The following OTOGL variants were observed in gnomAD, a reference collection of about 807,000 sequenced individuals.
OTOGL encodes otogelin-like protein.
A neutral mutation model predicts 318.5 loss-of-function variants in OTOGL; 285 were observed. The observed-to-expected ratio is 0.89, with a 90% CI of 0.81 to 0.99. The LOEUF is 0.99. Among genes scored for constraint, OTOGL ranks in the 50% least tolerant of loss-of-function variants. The probability of loss-of-function intolerance (pLI) is 0.00; values close to 1 mark genes in which losing one functional copy is unlikely to be tolerated. For synonymous variants in OTOGL, 987 were observed against 936.5 expected (o/e 1.05, Z -0.99); for missense variants, 2,899 against 2,845.6 (o/e 1.02, Z -0.43).
intron 9 of OTOGL, among the ~76,000 whole-genome samples, chr12:80,233,965 A>ATAGT (rs3045928): frequency 1 from 151,865 of 152,312 alleles, 75,711 homozygotes; most frequent in Non-Finnish European, 1. Flanking sequence ...ATTTATAACA[A>ATAGT]TAGTTTGAGC....
chr12:80,341,206 A>T (rs2137938879), intron 43 of OTOGL, among the ~76,000 whole-genome samples: 1 of 152,180 alleles, frequency 6.6e-6, no homozygotes. Flanking sequence ...GTGAAGAGTA[A>T]GCTCATCCTC....
At chr12:80,159,847 C>G (rs570687943) in intron 1 of OTOGL, among the ~76,000 whole-genome samples, 193 of 152,170 alleles carry the variant, frequency 1.3e-3, no homozygotes, top group Non-Finnish European at 2.2e-3. Flanking sequence ...TGACTTCAAA[C>G]TATACTATAA....
intron 1 of OTOGL, among the ~76,000 whole-genome samples, chr12:80,182,955 C>A (rs142001671): frequency 1.3e-5 from 2 of 152,288 alleles, no homozygotes; most frequent in East Asian, 1.9e-4. Flanking sequence ...CCATGTGGAA[C>A]TTTTGTACAA....
At chr12:80,217,453 G>A in intron 4 of OTOGL, 145 bp from the exon 5 acceptor site, 1 of 636,810 alleles carries the variant, frequency 1.6e-6, no homozygotes, top group Non-Finnish European at 2.7e-6. Flanking sequence ...TCATGGAGAT[G>A]ATAAGCCTCA....
At chr12:80,146,686 C>T (rs988509277) in intron 1 of OTOGL, among the ~76,000 whole-genome samples, 2 of 151,912 alleles carry the variant, frequency 1.3e-5, no homozygotes, top group Non-Finnish European at 1.5e-5. Context: ...TCCATCTGGT[C>T]CTGGACTCTT....
At chr12:80,126,077 G>T (rs1188578595) in intron 1 of OTOGL, among the ~76,000 whole-genome samples, 1 of 152,048 alleles carries the variant, frequency 6.6e-6, no homozygotes, top group Non-Finnish European at 1.5e-5. Context: ...CTTGCCTTCT[G>T]CTAGCTTTTG....
chr12:80,343,532 T>C (rs1199442335), intron 44 of OTOGL: 9 of 132,046 alleles, frequency 6.8e-5, no homozygotes, highest in African/African-American at 2.6e-4. Flanking sequence ...TTTTTTTTTT[T>C]TTTTAACTTT....
intron 1 of OTOGL, among the ~76,000 whole-genome samples, chr12:80,117,927 A>G (rs1870262112): frequency 6.6e-6 from 1 of 152,072 alleles, no homozygotes; most frequent in African/African-American, 2.4e-5. Context: ...ATGCTTCCTT[A>G]TCAAAAACAC....
chr12:80,149,307 CCTGCG>C (rs1159776502), intron 1 of OTOGL, among the ~76,000 whole-genome samples: 2 of 151,454 alleles, frequency 1.3e-5, no homozygotes, highest in East Asian at 1.9e-4. Flanking sequence ...GTTGGAGTAC[CCTGCG>C]GTGTGAGGTG....
Position 80,293,629 on chromosome 12 carries a change from C to T in OTOGL, c.2929-3198C>T, listed in dbSNP as rs79232335. ...TTCTCTACTTTTTCGTCAGTTCAGT[C>T]ATCATTTCTACTTCCTCATATGTTC... On this transcript the variant is annotated intron_variant, in intron 26 of 58. Transcript: ENST00000547103. Among the ~76,000 whole-genome samples the T allele has an allele frequency of 2.8e-3, 427 of 151,936 alleles. 3 individuals carry two copies. Among genetic ancestry groups the T allele is most frequent in the African/African-American group, 1.0e-2 (414 of 41,458 alleles).
rs147503800 is a variant in OTOGL at position 80,109,841 on chromosome 12, T to C, written c.-20+10236T>C. Among the ~76,000 whole-genome samples, 475 of 152,230 alleles carry C rather than the reference T, an allele frequency of 3.1e-3. 5 individuals are homozygous for C. The highest frequency in any genetic ancestry group is 4.0e-3 in the Non-Finnish European group (269 of 68,012). On this transcript the variant is annotated intron_variant, in intron 1 of 58. Transcript: ENST00000547103. Reference sequence around the variant, plus strand: ...ATGTATTTAGAATAAGAAAAGAAATTACAACAAAATATAAAATTTTTTTAA... The same window carrying C: ...ATGTATTTAGAATAAGAAAAGAAATCACAACAAAATATAAAATTTTTTTAA...
chr12:80,232,249 C>A (rs928558452), intron 8 of OTOGL, among the ~76,000 whole-genome samples: 4 of 152,108 alleles, frequency 2.6e-5, no homozygotes, highest in Non-Finnish European at 4.4e-5. Flanking sequence ...CTATGCAATA[C>A]TGTATGACAA....
At chr12:80,104,830 C>T (rs1392630693) in intron 1 of OTOGL, among the ~76,000 whole-genome samples, 11 of 152,156 alleles carry the variant, frequency 7.2e-5, no homozygotes, top group Admixed American at 7.2e-4. Context: ...CACGGTGGCT[C>T]ATGCCTGTAA....
At chr12:80,273,641 C>T (rs542255728) in intron 24 of OTOGL, among the ~76,000 whole-genome samples, 15 of 152,096 alleles carry the variant, frequency 9.9e-5, no homozygotes, top group African/African-American at 3.4e-4. Context: ...ATTTCTTATC[C>T]CACTGCCCAA....
intron 1 of OTOGL, among the ~76,000 whole-genome samples, chr12:80,170,733 C>T (rs1355985134): frequency 6.6e-6 from 1 of 152,136 alleles, no homozygotes; most frequent in African/African-American, 2.4e-5. Context: ...TGTGCCCAGC[C>T]TTCTTTTCTT....
intron 44 of OTOGL, among the ~76,000 whole-genome samples, chr12:80,350,723 G>A (rs1007769646): frequency 1.3e-5 from 2 of 152,072 alleles, no homozygotes; most frequent in Admixed American, 1.3e-4. Flanking sequence ...TATCTATTCA[G>A]TTCCTTTGAC....
Position 80,265,075 on chromosome 12 carries a change from C to T in OTOGL, c.2089C>T (p.Leu697=). ...TTGCCACATCTATATTAGCCCTGGGCTGTACTATCAGCTATGCCGCCACGA... is the reference window on the plus strand; with the variant it reads ...TTGCCACATCTATATTAGCCCTGGGTTGTACTATCAGCTATGCCGCCACGA... ...APCHIYISPG[L]YYQLCRHDAC... The change falls in exon 20 of 59, where the codon CTG becomes TTG. Residue 697 remains leucine, a synonymous_variant. Coordinates refer to ENST00000547103, the MANE Select transcript of OTOGL (RefSeq NM_001378609.3). The T allele has an allele frequency of 6.2e-7, 1 of 1,613,900 alleles. No individual in the cohort carries two copies.
chr12:80,103,335 T>A, intron 1 of OTOGL: 1 of 1,524,708 alleles, frequency 6.6e-7, no homozygotes, highest in Non-Finnish European at 9.1e-7. Flanking sequence ...AAACTTCATT[T>A]TGGCCGCTCC....
In OTOGL at chr12:80,353,355, A is replaced by C. The variant is rs1430671503; in HGVS notation, c.5438A>C (p.Gln1813Pro). 1 of 1,592,864 alleles carries C rather than the reference A, an allele frequency of 6.3e-7. No homozygotes were observed. The highest frequency in any genetic ancestry group is 2.3e-5 in the East Asian group (1 of 44,302). ...SLSCPEGKEY[Q>P]PCVRPCEART... is the part of the protein sequence containing the mutation. ...AGTTGCCCAGAGGGGAAGGAATATC[A>C]ACCCTGTGTGCGACCTTGTGAAGCA... The change falls in exon 46 of 59, where the codon CAA becomes CCA. Residue 1813 changes from glutamine to proline, a missense_variant. By Grantham distance (76) the Gln-to-Pro change is moderately conservative (BLOSUM62 -1). Transcript: ENST00000547103.
Sources: allele counts gnomAD v4.1 joint callset (sites outside exome capture counted in the v4.1 genomes callset), GRCh38; gene constraint gnomAD v4.1.1; transcripts MANE v1.5; gene names NCBI Gene and HGNC (gene_info 2026-07-23, HGNC 2026-07-21).